FAM83F: variants seen among roughly 807,000 people sequenced by gnomAD.
FAM83F encodes the protein protein FAM83F.
A neutral mutation model predicts 42.9 loss-of-function variants in FAM83F; 45 were observed. The ratio of observed to expected loss-of-function variants is 1.05; its 90% CI spans 0.83 to 1.35. The LOEUF (loss-of-function observed/expected upper bound fraction) is 1.35, where lower values mean the gene tolerates loss of function less well. Among genes scored for constraint, FAM83F ranks in the 40% most tolerant of loss-of-function variants. The pLI, the probability that FAM83F is intolerant of heterozygous loss-of-function variation, is 0.00. For synonymous variants in FAM83F, 306 were observed against 298.3 expected, an observed-to-expected ratio of 1.03 and a Z score of -0.27; for missense variants, 617 against 695.9, an observed-to-expected ratio of 0.89 and a Z score of 1.28.
Position 40,029,516 on chromosome 22 carries a change from G to A in FAM83F, c.1454G>A (p.Gly485Asp). Residue 485 changes from glycine to aspartate, a missense_variant and splice_region_variant, in exon 5 of 5, where the codon GGT (glycine) becomes GAT (aspartate). Gly to Asp is a moderately conservative substitution (Grantham distance 94). Transcript: ENST00000333407. Reference sequence around the variant, plus strand: ...CCGCCTCTGTCCCTTGCCTCTGCAGGTAAAACAAGTCCCAGTTCTGCCAAG... The same window carrying A: ...CCGCCTCTGTCCCTTGCCTCTGCAGATAAAACAAGTCCCAGTTCTGCCAAG... ...PNENSSADIS[G>D]KTSPSSAKPS... 6.2e-7 allele frequency: 1 copy of A among 1,611,922 alleles called. No individual in the cohort carries two copies. Among genetic ancestry groups the A allele is most frequent in the South Asian group, 1.1e-5 (1 of 90,364 alleles).
Position 40,037,029 on chromosome 22 carries a change from A to C in FAM83F, c.*7464A>C, listed in dbSNP as rs2067628721. The C allele has an allele frequency of 6.6e-6, 1 of 152,242 alleles. No individual in the cohort carries two copies. The highest frequency in any genetic ancestry group is 2.4e-5 in the African/African-American group (1 of 41,446). The allele number at this position is 152,242 out of a possible 1,614,324, so 9.4% of individuals were successfully genotyped here. On this transcript the variant is annotated 3_prime_UTR_variant, in exon 5 of 5. Coordinates refer to ENST00000333407, the MANE Select transcript of FAM83F (RefSeq NM_138435.4). ...CCAGTGAAACCTTATGAATACTGAA[A>C]TCTGAATCCATAATTTTCATGTATC...
chr22:40,013,634 C>G (rs1011111843), intron 1 of FAM83F, among the ~76,000 whole-genome samples: 2 of 152,000 alleles, frequency 1.3e-5, no homozygotes, highest in African/African-American at 4.8e-5. Context: ...ATTTGTGGAT[C>G]TTTATTCTTC....
intron 1 of FAM83F, among the ~76,000 whole-genome samples, chr22:40,003,612 C>A (rs1004862270): frequency 6.6e-6 from 1 of 152,174 alleles, no homozygotes; most frequent in Non-Finnish European, 1.5e-5. Flanking sequence ...CCCCCACCCC[C>A]ACACACCATG....
chr22:40,015,347 G>A (rs1008069592), intron 1 of FAM83F, among the ~76,000 whole-genome samples: 7 of 152,206 alleles, frequency 4.6e-5, no homozygotes, highest in East Asian at 3.9e-4. Context: ...TGCTTTTCTC[G>A]AAGTCCAGTG....
intron 4 of FAM83F, among the ~76,000 whole-genome samples, chr22:40,026,147 A>C (rs2067551142): frequency 6.6e-6 from 1 of 152,142 alleles, no homozygotes; most frequent in Non-Finnish European, 1.5e-5. Flanking sequence ...GGGCAGTGTG[A>C]TCTCCTGCCT....
intron 1 of FAM83F, among the ~76,000 whole-genome samples, chr22:40,007,111 G>A (rs1034103349): frequency 6.6e-6 from 1 of 151,682 alleles, no homozygotes; most frequent in Non-Finnish European, 1.5e-5. Flanking sequence ...GTACACTTCC[G>A]TACTGTTGGA....
In FAM83F at chr22:39,995,682, T is replaced by C. The variant is rs1298992386; in HGVS notation, c.489+151T>C. 1 of 1,310,896 alleles carries C rather than the reference T, an allele frequency of 7.6e-7. No homozygotes were observed. The highest frequency in any genetic ancestry group is 1.0e-6 in the Non-Finnish European group (1 of 986,176). 81.2% of individuals were successfully genotyped at this position (1,310,896 alleles called of 1,614,324 possible). On this transcript the variant is annotated intron_variant, in intron 1 of 4. Transcript: ENST00000333407. The surrounding 1 kb of genome is among the most constrained non-coding windows in gnomAD (Gnocchi z 4.6). Reference sequence around the variant, plus strand: ...CCGCCCCTACTTCCTGGGGCTGCAGTGAGGCCTGTAGAGCGAATGGCTGGG... The same window carrying C: ...CCGCCCCTACTTCCTGGGGCTGCAGCGAGGCCTGTAGAGCGAATGGCTGGG...
chr22:40,027,588 C>G (rs879690770), intron 4 of FAM83F, among the ~76,000 whole-genome samples: 1 of 152,224 alleles, frequency 6.6e-6, no homozygotes, highest in African/African-American at 2.4e-5. Flanking sequence ...GCTGACTCCC[C>G]ACACGTGGTC....
rs2067380686 is a variant in FAM83F at position 39,998,221 on chromosome 22, G to A, written c.489+2690G>A. Among the ~76,000 whole-genome samples, 3 of 152,282 alleles carry A rather than the reference G, an allele frequency of 2.0e-5. No homozygotes were observed. The South Asian group carries it at 6.2e-4, about 32-fold the overall frequency. The stretch of plus-strand genomic sequence containing the variant: ...GAGAGTCTGGCTGCTGTGAGGCCAG[G>A]TGGGGCAGACTGAGATGGTTTACAT... On this transcript the variant is annotated intron_variant, in intron 1 of 4. Coordinates refer to ENST00000333407, the MANE Select transcript of FAM83F (RefSeq NM_138435.4).
At chr22:40,022,862 C>T (rs889689346) in intron 4 of FAM83F, among the ~76,000 whole-genome samples, 4 of 152,220 alleles carry the variant, frequency 2.6e-5, no homozygotes, top group Non-Finnish European at 4.4e-5. Context: ...GGCCCAAGGG[C>T]TTCCAGGACT....
At chr22:40,024,941 C>A (rs749575142) in intron 4 of FAM83F, among the ~76,000 whole-genome samples, 2 of 152,166 alleles carry the variant, frequency 1.3e-5, no homozygotes, top group African/African-American at 2.4e-5. Flanking sequence ...GGGTGCCCAG[C>A]GGTTTCAAGG....
At chr22:40,005,154 C>G (rs1428934162) in intron 1 of FAM83F, among the ~76,000 whole-genome samples, 1 of 152,248 alleles carries the variant, frequency 6.6e-6, no homozygotes, top group East Asian at 1.9e-4. Context: ...CCCAGGCAAA[C>G]TGCCAACTCC....
In FAM83F at chr22:40,021,747, C is replaced by T. The variant is rs1455939319; in HGVS notation, c.1237C>T (p.Pro413Ser). The T allele has an allele frequency of 1.2e-6, 2 of 1,612,962 alleles. No individual in the cohort carries two copies. The highest frequency in any genetic ancestry group is 3.3e-5 in the Admixed American group (2 of 60,024). ...CTCTCACATGCACAGAGACCTGAAG[C>T]CCAAATCCCGAGAGGCACCCAGCCG... ...MVSHMHRDLK[P>S]KSREAPSRNG... is the part of the protein sequence containing the mutation. Residue 413 changes from proline (P) to serine (S), a missense_variant, in exon 4 of 5, where the codon CCC becomes TCC. Pro to Ser is a moderately conservative substitution (Grantham distance 74, BLOSUM62 -1). Transcript: ENST00000333407. The surrounding 1 kb of genome is among the most constrained non-coding windows in gnomAD (Gnocchi z 8.7).
Position 40,023,892 on chromosome 22 carries a change from C to T in FAM83F, c.1453+1929C>T, listed in dbSNP as rs1367628211. 1.3e-5 allele frequency among the ~76,000 whole-genome samples: 2 copies of T among 152,214 alleles called. No homozygotes were observed. Among genetic ancestry groups the T allele is most frequent in the Admixed American group, 1.3e-4 (2 of 15,290 alleles). ...CCTTTAGACGAACACAGAGCAGCCTCCTCCGGTAAGGCTTCTGCCCACCTG... is the reference window on the plus strand; with the variant it reads ...CCTTTAGACGAACACAGAGCAGCCTTCTCCGGTAAGGCTTCTGCCCACCTG... On this transcript the variant is annotated intron_variant, in intron 4 of 4. Transcript: ENST00000333407. This position sits in a 1 kb window ranked among gnomAD's most constrained non-coding sequence, Gnocchi z 4.1.
At position 40,021,909 on chromosome 22, in the gene FAM83F, G is replaced by A. The variant is rs370605308; in HGVS notation, c.1399G>A (p.Val467Met). 6.3e-7 allele frequency: 1 copy of A among 1,588,884 alleles called. No homozygotes were observed. Among genetic ancestry groups the A allele is most frequent in the Non-Finnish European group, 8.6e-7 (1 of 1,166,660 alleles). Reference protein sequence around the residue: ...ASSVSTETSEVEFLTGKRPNE... With the variant: ...ASSVSTETSEMEFLTGKRPNE... ...CTCTGTCTCCACCGAGACCTCTGAAGTGGAGTTTCTGACGGGGAAGAGGCC... is the reference window on the plus strand; with the variant it reads ...CTCTGTCTCCACCGAGACCTCTGAAATGGAGTTTCTGACGGGGAAGAGGCC... Residue 467 changes from valine to methionine, a missense_variant, in exon 4 of 5, where the codon GTG becomes ATG. By Grantham distance (21) the Val-to-Met change is conservative. Transcript: ENST00000333407. The surrounding 1 kb of genome is among the most constrained non-coding windows in gnomAD (Gnocchi z 8.7).
In FAM83F at chr22:40,016,960, G is replaced by A. The variant is rs372073675; in HGVS notation, c.490-2208G>A. ...ATTACAGGCTTGAGACACTGTATCTGGCTGCTGTTACATTTTAAATGCCTC... is the reference window on the plus strand; with the variant it reads ...ATTACAGGCTTGAGACACTGTATCTAGCTGCTGTTACATTTTAAATGCCTC... On this transcript the variant is annotated intron_variant, in intron 1 of 4. Transcript: ENST00000333407. Among the ~76,000 whole-genome samples, 14 of 152,320 alleles carry A rather than the reference G, an allele frequency of 9.2e-5. No individual in the cohort carries two copies. In the East Asian group the frequency reaches 2.7e-3, roughly 29 times the overall value.
At position 40,036,742 on chromosome 22, in the gene FAM83F, C is replaced by G. The variant is rs554040813; in HGVS notation, c.*7177C>G. ...TCTAGGGGCCACAGTCCTGGTCCTG[C>G]GCAGGTGGCCCTGGAGAGAAGCCTT... On this transcript the variant is annotated 3_prime_UTR_variant, in exon 5 of 5. Transcript: ENST00000333407. 1.3e-5 allele frequency: 2 copies of G among 152,228 alleles called. No individual in the cohort carries two copies. The highest frequency in any genetic ancestry group is 2.9e-5 in the Non-Finnish European group (2 of 68,098). 9.4% of individuals were successfully genotyped at this position (152,228 alleles called of 1,614,324 possible).
chr22:40,016,590 T>G (rs1227302464), intron 1 of FAM83F, among the ~76,000 whole-genome samples: 1 of 152,226 alleles, frequency 6.6e-6, no homozygotes, highest in Non-Finnish European at 1.5e-5. Flanking sequence ...AGCCACTTAT[T>G]AAATAATAGT....
At chr22:39,998,475 A>G (rs1176219282) in intron 1 of FAM83F, among the ~76,000 whole-genome samples, 3 of 151,024 alleles carry the variant, frequency 2.0e-5, no homozygotes, top group African/African-American at 7.3e-5. Context: ...GTACTCAGGG[A>G]TATGGAGAAA....
Sources: allele counts gnomAD v4.1 joint callset (sites outside exome capture counted in the v4.1 genomes callset), GRCh38; gene constraint gnomAD v4.1.1; non-coding constraint Gnocchi (gnomAD v3.1); transcripts MANE v1.5; gene names NCBI Gene and HGNC (gene_info 2026-07-23, HGNC 2026-07-21).